Variants in QRFPR observed in about 807,000 individuals in gnomAD.
The protein encoded by QRFPR is pyroglutamylated RFamide peptide receptor.
QRFPR carries 37 observed loss-of-function variants against 31.3 expected under a neutral mutation model. The ratio of observed to expected loss-of-function variants is 1.18; its 90% CI spans 0.91 to 1.56. The LOEUF (loss-of-function observed/expected upper bound fraction) is 1.56. Ranked by LOEUF, QRFPR falls within the 40% of genes most tolerant of loss-of-function variation. QRFPR has a pLI of 0.00. For missense variants in QRFPR, 542 were observed against 532.5 expected, an observed-to-expected ratio of 1.02 and a Z score of -0.18; for synonymous variants, 197 against 192.0, an observed-to-expected ratio of 1.03 and a Z score of -0.22.
chr4:121,362,132 C>T (rs1726005340), intron 1 of QRFPR, among the ~76,000 whole-genome samples: 1 of 150,022 alleles, frequency 6.7e-6, no homozygotes. Flanking sequence ...ATAATTCTGG[C>T]TCATCAGCCT....
chr4:121,336,716 G>C (rs1028074768), intron 3 of QRFPR, 91 bp downstream of exon 3: 4 of 1,000,036 alleles, frequency 4.0e-6, no homozygotes, highest in East Asian at 2.4e-5. Flanking sequence ...CAAATTTGCT[G>C]TATTGCTCCT....
chr4:121,351,817 C>T (rs1454144520), intron 1 of QRFPR, among the ~76,000 whole-genome samples: 1 of 147,154 alleles, frequency 6.8e-6, no homozygotes, highest in African/African-American at 2.5e-5. Flanking sequence ...ACCAAAGATA[C>T]AACTCCGAGT....
chr4:121,329,423 A>G lies in QRFPR; in HGVS notation c.1187T>C (p.Ile396Thr), dbSNP rs1725277659. The G allele has an allele frequency of 1.9e-6, 3 of 1,614,092 alleles. No individual in the cohort carries two copies. The highest frequency in any genetic ancestry group is 4.5e-5 in the East Asian group (2 of 44,856). Residue 396 changes from isoleucine to threonine, a missense_variant, in exon 6 of 6, where the codon ATT becomes ACT. Transcript: ENST00000394427. ...TKGEAFSDGNIEVKLCEQTEE... is the reference protein window; with the variant it reads ...TKGEAFSDGNTEVKLCEQTEE... Reference sequence around the variant, plus strand: ...TGTCTGTTCACACAATTTGACTTCAATGTTGCCATCACTGAATGCTTCTCC... The same window carrying G: ...TGTCTGTTCACACAATTTGACTTCAGTGTTGCCATCACTGAATGCTTCTCC...
At chr4:121,369,190 G>A (rs369233103) in intron 1 of QRFPR, among the ~76,000 whole-genome samples, 7 of 152,136 alleles carry the variant, frequency 4.6e-5, no homozygotes, top group East Asian at 3.9e-4. Context: ...CACCATGCCC[G>A]GCTAATTTTT....
chr4:121,330,364 A>G (rs1725298645), intron 5 of QRFPR, 62 bp downstream of exon 5: 9 of 1,128,012 alleles, frequency 8.0e-6, no homozygotes, highest in Admixed American at 1.8e-5. Flanking sequence ...TCAAAGATTC[A>G]TTGTCTATTC....
intron 1 of QRFPR, among the ~76,000 whole-genome samples, chr4:121,356,785 G>T (rs190749200): frequency 3.3e-4 from 50 of 152,148 alleles, no homozygotes; most frequent in African/African-American, 1.1e-3. Context: ...GGGCTGCCTG[G>T]AACTAGGGGA....
chr4:121,341,676 A>G (rs150130516), intron 1 of QRFPR, among the ~76,000 whole-genome samples: 10 of 152,344 alleles, frequency 6.6e-5, no homozygotes, highest in Admixed American at 5.9e-4. Context: ...TGTAAGGTAT[A>G]TAAGAAGCAT....
chr4:121,334,161 A>G (rs1437630684), intron 3 of QRFPR, among the ~76,000 whole-genome samples: 1 of 152,206 alleles, frequency 6.6e-6, no homozygotes, highest in Non-Finnish European at 1.5e-5. Flanking sequence ...GGACTGACAC[A>G]TCTAAGAGCA....
rs1489004083 is a variant in QRFPR, at chr4:121,380,186, G to A, written c.340+122C>T. ...GAGAGAGAGACAGACAGACGAGAGAGGAGAGAGAGAGAGAGAGAGAGAGAG... is the reference window on the plus strand; with the variant it reads ...GAGAGAGAGACAGACAGACGAGAGAAGAGAGAGAGAGAGAGAGAGAGAGAG... On this transcript the variant is annotated intron_variant, in intron 1 of 5. Transcript: ENST00000394427. The A allele has an allele frequency of 3.8e-5, 9 of 236,510 alleles. No homozygotes were observed. The East Asian group carries it at 4.4e-4, about 12-fold the overall frequency. 14.7% of individuals were successfully genotyped at this position (236,510 alleles called of 1,614,324 possible).
intron 1 of QRFPR, among the ~76,000 whole-genome samples, chr4:121,357,037 T>A (rs566189313): frequency 6.6e-5 from 10 of 152,138 alleles, no homozygotes; most frequent in Admixed American, 5.2e-4. Flanking sequence ...TCTATACTAA[T>A]GCACAGGGTG....
intron 1 of QRFPR, among the ~76,000 whole-genome samples, chr4:121,365,250 G>A (rs1441165351): frequency 3.4e-5 from 5 of 145,970 alleles, no homozygotes; most frequent in African/African-American, 1.3e-4. Flanking sequence ...TCAGGAGATC[G>A]AGACTATCCT....
At chr4:121,352,910 A>G (rs954566051) in intron 1 of QRFPR, among the ~76,000 whole-genome samples, 2 of 151,840 alleles carry the variant, frequency 1.3e-5, no homozygotes, top group Non-Finnish European at 2.9e-5. Flanking sequence ...ATTCTACTCT[A>G]TCTCCAAAAG....
rs541074695 is a variant in QRFPR at position 121,356,746 on chromosome 4, C to T, written c.341-16136G>A. Among the ~76,000 whole-genome samples, 37 of 152,208 alleles carry T rather than the reference C, an allele frequency of 2.4e-4. No individual in the cohort carries two copies. The South Asian group carries it at 6.6e-3, about 27-fold the overall frequency. On this transcript the variant is annotated intron_variant, in intron 1 of 5. Coordinates refer to ENST00000394427, the MANE Select transcript of QRFPR (RefSeq NM_198179.3). ...CTCCAGCTCTCCTCTCTCTCTCTTT[C>T]CCCTAATCAGAAGGATATTCTCCAT...
chr4:121,331,713 C>T (rs891406052), intron 4 of QRFPR, among the ~76,000 whole-genome samples: 2 of 151,048 alleles, frequency 1.3e-5, no homozygotes, highest in Non-Finnish European at 2.9e-5. Context: ...AGTGCAGTGG[C>T]GTGATCTCGG....
rs76536576 is a variant in QRFPR, at chr4:121,347,369, C to T, written c.341-6759G>A. Among the ~76,000 whole-genome samples the T allele has an allele frequency of 3.6e-3, 541 of 152,074 alleles. 37 individuals are homozygous for T. The East Asian group carries it at 0.08, about 23-fold the overall frequency. On this transcript the variant is annotated intron_variant, in intron 1 of 5. Transcript: ENST00000394427. ...AAATAAATTGCCTTATACCGCTTTT[C>T]TTTTAATTTATTGATTTCAGATGAT...
chr4:121,330,327 G>T (rs1560731383), intron 5 of QRFPR, 99 bp downstream of exon 5: 1 of 794,088 alleles, frequency 1.3e-6, no homozygotes, highest in Non-Finnish European at 2.1e-6. Flanking sequence ...TTAGGTATTT[G>T]ATTATCCAAG....
At chr4:121,341,054 T>TAAGC (rs1725535359) in intron 1 of QRFPR, among the ~76,000 whole-genome samples, 1 of 151,584 alleles carries the variant, frequency 6.6e-6, no homozygotes, top group African/African-American at 2.4e-5. Context: ...TATCATTTAT[T>TAAGC]CTCCTTTGAC....
chr4:121,337,330 C>A (rs1426910869), intron 2 of QRFPR, among the ~76,000 whole-genome samples: 2 of 152,192 alleles, frequency 1.3e-5, no homozygotes, highest in African/African-American at 2.4e-5. Context: ...TCAGAAATCA[C>A]CTTCTCTAGG....
At chr4:121,356,923 G>T (rs749704996) in intron 1 of QRFPR, among the ~76,000 whole-genome samples, 1 of 152,042 alleles carries the variant, frequency 6.6e-6, no homozygotes, top group Non-Finnish European at 1.5e-5. Flanking sequence ...AGGGCTGAGA[G>T]GGGGTCTATT....
Sources: gnomAD v4.1 joint callset for allele counts (sites outside exome capture counted in the v4.1 genomes callset) on GRCh38, gnomAD v4.1.1 for gene constraint, MANE v1.5 for transcripts, NCBI Gene and HGNC (gene_info 2026-07-23, HGNC 2026-07-21) for gene names.